SVIL: variants seen among roughly 807,000 people sequenced by gnomAD.
SVIL encodes the protein supervillin.
SVIL carries 101 observed loss-of-function variants against 240.4 expected under a neutral mutation model. That is an observed-to-expected ratio of 0.42 (90% CI 0.36 to 0.50). SVIL has a LOEUF of 0.50. Ranked by LOEUF, SVIL falls within the 20% of genes least tolerant of loss-of-function variation. The pLI is 0.01. For synonymous variants in SVIL, 999 were observed against 1,100.0 expected (o/e 0.91, Z 1.82); for missense variants, 2,512 against 2,818.7 (o/e 0.89, Z 2.46).
At chr10:29,587,052 C>T (rs1352598375) in intron 1 of SVIL, among the ~76,000 whole-genome samples, 1 of 152,182 alleles carries the variant, frequency 6.6e-6, no homozygotes, top group Non-Finnish European at 1.5e-5. Context: ...AAGTTAAAAA[C>T]AAATTTTCCC....
At chr10:29,679,768 G>T (rs915128776) in intron 2 of SVIL, among the ~76,000 whole-genome samples, 1 of 151,798 alleles carries the variant, frequency 6.6e-6, no homozygotes, top group African/African-American at 2.4e-5. Flanking sequence ...CACTGCTAGA[G>T]GTCAGGGATC....
intron 1 of SVIL, among the ~76,000 whole-genome samples, chr10:29,718,378 A>T (rs965056471): frequency 5.9e-5 from 9 of 152,122 alleles, no homozygotes; most frequent in African/African-American, 2.2e-4. Context: ...TGCGATTACT[A>T]GGAAATGTAA....
chr10:29,544,754 TAAAAAAAAAAAAAAA>T (rs373279682), intron 6 of SVIL, among the ~76,000 whole-genome samples: 1 of 70,318 alleles, frequency 1.4e-5, no homozygotes, highest in East Asian at 4.5e-4. Context: ...AGACCTTTTC[TAAAAAAAAAAAAAAA>T]AAAAAAAAAA....
intron 1 of SVIL, among the ~76,000 whole-genome samples, chr10:29,687,460 G>T (rs374623836): frequency 1.3e-5 from 2 of 152,364 alleles, no homozygotes; most frequent in East Asian, 3.9e-4. Flanking sequence ...GGGAGGCTGA[G>T]GCAGGTGAAT....
chr10:29,650,185 C>G (rs373475141), intron 3 of SVIL, among the ~76,000 whole-genome samples: 1 of 152,180 alleles, frequency 6.6e-6, no homozygotes, highest in Non-Finnish European at 1.5e-5. Flanking sequence ...GACTTTCTAG[C>G]CTAAGTAACA....
chr10:29,530,839 A>G (rs2132559198), intron 10 of SVIL, among the ~76,000 whole-genome samples, 171 bp from the exon 11 acceptor site: 1 of 152,342 alleles, frequency 6.6e-6, no homozygotes, highest in East Asian at 1.9e-4. Flanking sequence ...CTGCTCAGTG[A>G]AAAGGTACTA....
intron 1 of SVIL, among the ~76,000 whole-genome samples, chr10:29,695,167 G>C (rs1961828867): frequency 1.3e-5 from 2 of 152,134 alleles, no homozygotes; most frequent in African/African-American, 4.8e-5. Context: ...TCTGCAGCCG[G>C]AAGCAGCAGC....
intron 12 of SVIL, among the ~76,000 whole-genome samples, chr10:29,528,347 T>C (rs1218656341): frequency 6.6e-6 from 1 of 152,116 alleles, no homozygotes; most frequent in African/African-American, 2.4e-5. Flanking sequence ...TAGAGGCCTT[T>C]TGGGATGTCA....
chr10:29,480,774 G>A lies in SVIL; in HGVS notation c.5140C>T (p.Arg1714Trp), dbSNP rs139219158. 2.1e-4 allele frequency: 341 copies of A among 1,613,096 alleles called. No individual in the cohort carries two copies. Among genetic ancestry groups the A allele is most frequent in the Non-Finnish European group, 2.8e-4 (329 of 1,179,892 alleles). The change falls in exon 29 of 38, where the codon CGG becomes TGG. Residue 1714 changes from arginine to tryptophan, a missense_variant. Physicochemically the swap from Arg to Trp is moderately radical, Grantham distance 101. Around this residue, in one of 3 missense-constraint regions of SVIL, gnomAD observed 797 missense variants for 925.3 expected, o/e 0.86. Transcript: ENST00000355867. ...GTCGTCTGGGGCATGGACACCATCC[G>A]TGTCACATCGTATGCCTTGACATCA... is the stretch of plus-strand genomic sequence containing the variant. The part of the protein sequence containing the change: ...RTDVKAYDVT[R>W]MVSMPQTTAG...
intron 3 of SVIL, among the ~76,000 whole-genome samples, chr10:29,555,992 C>T (rs1269169460): frequency 1.3e-5 from 2 of 152,190 alleles, no homozygotes; most frequent in Non-Finnish European, 2.9e-5. Context: ...CAAATGTTAA[C>T]AATGGTTTCC....
At chr10:29,675,882 C>T (rs1256206402) in intron 2 of SVIL, among the ~76,000 whole-genome samples, 1 of 152,168 alleles carries the variant, frequency 6.6e-6, no homozygotes, top group Non-Finnish European at 1.5e-5. Flanking sequence ...ATTGACCCTT[C>T]CCAGTCTTGA....
intron 1 of SVIL, among the ~76,000 whole-genome samples, chr10:29,621,703 T>C (rs143920100): frequency 0.014 from 2,070 of 152,338 alleles, 22 homozygotes; most frequent in Non-Finnish European, 0.022. Context: ...CCTGGGGGTC[T>C]GGCCTCTTCT....
intron 11 of SVIL, among the ~76,000 whole-genome samples, chr10:29,530,287 G>A (rs1027641353): frequency 7.2e-6 from 1 of 138,618 alleles, no homozygotes; most frequent in Non-Finnish European, 1.7e-5. Flanking sequence ...TGAGCACCTC[G>A]TATTGTTGTC....
rs370150446 is a variant in SVIL at position 29,491,162 on chromosome 10, G to A, written c.4020-143C>T. The stretch of plus-strand genomic sequence containing the variant: ...CTCCCACCGCCACTCCCCTGACATG[G>A]AGTCGTAGAATCTTGGAGATGGAAG... On this transcript the variant is annotated intron_variant, in intron 21 of 37. Transcript: ENST00000355867. 22 of 954,776 alleles carry A rather than the reference G, an allele frequency of 2.3e-5. No homozygotes were observed. In the African/African-American group the frequency reaches 2.4e-4, roughly 10 times the overall value. The allele number at this position is 954,776 out of a possible 1,614,324, so 59.1% of individuals were successfully genotyped here. A position where few individuals can be genotyped will look rare whatever the true frequency, so the allele number is the denominator to read the frequency against.
In SVIL at chr10:29,634,630, C is replaced by A. The variant is rs1355130993; in HGVS notation, c.-411G>T. Reference sequence around the variant, plus strand: ...ACAAAGTAAAATCCCAAAAGTTAGCCCAAATAGCGTTGTACAAAATCAAAG... The same window carrying A: ...ACAAAGTAAAATCCCAAAAGTTAGCACAAATAGCGTTGTACAAAATCAAAG... On this transcript the variant is annotated 5_prime_UTR_variant, in exon 1 of 38. Transcript: ENST00000355867. The A allele has an allele frequency of 6.6e-6, 1 of 152,048 alleles. No homozygotes were observed. Among genetic ancestry groups the A allele is most frequent in the Admixed American group, 6.6e-5 (1 of 15,254 alleles). The allele number at this position is 152,048 out of a possible 1,614,324, so 9.4% of individuals were successfully genotyped here.
chr10:29,532,123 C>T lies in SVIL; in HGVS notation c.1888G>A (p.Val630Met), dbSNP rs1485613362. ...TTCCGGGACCCTCTCTCCCGTTCCA[C>T]ACCGGTGGGCAAGCCAGGTCCTTCA... ...SAEGPGLPTG[V>M]ERERGSRKPR... is the part of the protein sequence containing the mutation. The change falls in exon 9 of 38, where the codon GTG becomes ATG. Residue 630 changes from valine (V) to methionine (M), a missense_variant. Around this residue, in one of 3 missense-constraint regions of SVIL, gnomAD observed 1,443 missense variants for 1,486.6 expected, o/e 0.97. Transcript: ENST00000355867. The T allele has an allele frequency of 1.2e-6, 2 of 1,613,932 alleles. No individual in the cohort carries two copies. The highest frequency in any genetic ancestry group is 2.2e-5 in the East Asian group (1 of 44,898).
intron 2 of SVIL, among the ~76,000 whole-genome samples, chr10:29,672,761 CT>C (rs5784149): frequency 0.18 from 26,769 of 151,926 alleles, 2,464 homozygotes; most frequent in Middle Eastern, 0.33. Flanking sequence ...TATTTTAGCA[CT>C]GCTATTCCAT....
intron 36 of SVIL, chr10:29,458,882 C>T (rs141522093): frequency 0.015 from 2,909 of 188,686 alleles, 96 homozygotes; most frequent in African/African-American, 0.064. Flanking sequence ...TCATAGCTCA[C>T]TGCAGCCTCC....
chr10:29,644,079 A>G, intron 3 of SVIL: 1 of 501,700 alleles, frequency 2.0e-6, no homozygotes, highest in Non-Finnish European at 4.0e-6. Flanking sequence ...ATCTAAAAAT[A>G]TGGGATTTCT....
Sources: gnomAD v4.1 joint callset for allele counts (sites outside exome capture counted in the v4.1 genomes callset) on GRCh38, gnomAD v4.1.1 for gene constraint, gnomAD v4.1.1 regional missense constraint, MANE v1.5 for transcripts, NCBI Gene and HGNC (gene_info 2026-07-23, HGNC 2026-07-21) for gene names.